Variants in INPP5A observed in about 807,000 individuals in gnomAD.
INPP5A encodes inositol polyphosphate-5-phosphatase A.
INPP5A carries 14 observed loss-of-function variants against 65.2 expected under a neutral mutation model. The ratio of observed to expected loss-of-function variants is 0.21; its 90% confidence interval spans 0.14 to 0.34. The LOEUF (loss-of-function observed/expected upper bound fraction) is 0.34, where lower values mean the gene tolerates loss of function less well. INPP5A is among the 10% of genes least tolerant of loss of function. INPP5A has a pLI of 1.00. For missense variants in INPP5A, 431 were observed against 545.6 expected, an observed-to-expected ratio of 0.79 and a Z score of 2.09; for synonymous variants, 207 against 208.3, an observed-to-expected ratio of 0.99 and a Z score of 0.05.
At chr10:132,745,562 C>CTGGCACTGGCCCCAGCCCAGGCCTCGGG (rs1554955101) in intron 9 of INPP5A, among the ~76,000 whole-genome samples, 5 of 151,392 alleles carry the variant, frequency 3.3e-5, no homozygotes, top group Non-Finnish European at 4.4e-5. Flanking sequence ...CATGTCACGG[C>CTGGCACTGGCCCCAGCCCAGGCCTCGGG]TGGCACTGGC....
Position 132,659,950 on chromosome 10 carries a change from G to A in INPP5A, c.306+9445G>A, listed in dbSNP as rs1402243180. ...ATGTGACATACAACACATGACACGC[G>A]GCATACTCCCTGTGACATGGCACAT... On this transcript the variant is annotated intron_variant, in intron 4 of 15. Coordinates refer to ENST00000368594, the MANE Select transcript of INPP5A (RefSeq NM_005539.5). This position sits in a 1 kb window ranked among gnomAD's most constrained non-coding sequence, Gnocchi z 5.5. Among the ~76,000 whole-genome samples, 3 of 152,208 alleles carry A rather than the reference G, an allele frequency of 2.0e-5. No individual in the cohort carries two copies. Among genetic ancestry groups the A allele is most frequent in the African/African-American group, 4.8e-5 (2 of 41,442 alleles).
intron 1 of INPP5A, among the ~76,000 whole-genome samples, chr10:132,573,006 G>A (rs1362848601): frequency 2.0e-5 from 3 of 151,850 alleles, no homozygotes; most frequent in East Asian, 1.9e-4. Context: ...TGGGGTGTGC[G>A]TGCCGTGTGA....
chr10:132,713,409 C>T (rs1486734487), intron 8 of INPP5A, among the ~76,000 whole-genome samples: 1 of 152,052 alleles, frequency 6.6e-6, no homozygotes, highest in Non-Finnish European at 1.5e-5. Context: ...GTGAGTGTGG[C>T]CTGCGTGGCT....
intron 4 of INPP5A, among the ~76,000 whole-genome samples, chr10:132,672,996 T>A (rs1237354292): frequency 6.6e-6 from 1 of 152,232 alleles, no homozygotes; most frequent in Non-Finnish European, 1.5e-5. Context: ...AGTTTCCCGT[T>A]GACCTTAATC....
chr10:132,688,681 G>A (rs1845191216), intron 4 of INPP5A, among the ~76,000 whole-genome samples: 1 of 151,592 alleles, frequency 6.6e-6, no homozygotes, highest in Non-Finnish European at 1.5e-5. Context: ...GTGTGTGCGT[G>A]TGCATGAGTG....
chr10:132,683,794 G>A (rs113171110), intron 4 of INPP5A, among the ~76,000 whole-genome samples: 3,719 of 152,184 alleles, frequency 0.024, 79 homozygotes, highest in Admixed American at 0.041. Flanking sequence ...GGCTCACTGC[G>A]ACCTCTGCCT....
At chr10:132,571,671 C>A (rs1208499166) in intron 1 of INPP5A, among the ~76,000 whole-genome samples, 2 of 152,216 alleles carry the variant, frequency 1.3e-5, no homozygotes, top group African/African-American at 4.8e-5. Context: ...GGAGTGTCTG[C>A]AGGCAGACCT....
At chr10:132,666,294 A>T (rs990381890) in intron 4 of INPP5A, among the ~76,000 whole-genome samples, 1 of 152,152 alleles carries the variant, frequency 6.6e-6, no homozygotes, top group Admixed American at 6.5e-5. Flanking sequence ...ACATTATTCC[A>T]TGTTTTCACT....
intron 4 of INPP5A, among the ~76,000 whole-genome samples, chr10:132,682,707 CTGTG>C (rs537066122): frequency 6.6e-6 from 1 of 152,104 alleles, no homozygotes; most frequent in Non-Finnish European, 1.5e-5. Context: ...AGCGTGTAAA[CTGTG>C]TGTTATCCTA....
chr10:132,557,252 G>A (rs756649358), intron 1 of INPP5A, among the ~76,000 whole-genome samples: 4 of 152,216 alleles, frequency 2.6e-5, no homozygotes, highest in Admixed American at 2.6e-4. Flanking sequence ...ACCCTCGCCC[G>A]GGGCCACTGT....
intron 1 of INPP5A, among the ~76,000 whole-genome samples, chr10:132,607,655 G>A (rs1418990168): frequency 6.6e-6 from 1 of 152,252 alleles, no homozygotes; most frequent in African/African-American, 2.4e-5. Context: ...TGGGGGCTGC[G>A]CGACGCTGCC....
intron 4 of INPP5A, among the ~76,000 whole-genome samples, chr10:132,652,349 G>A (rs555205132): frequency 1.3e-5 from 2 of 152,248 alleles, no homozygotes; most frequent in Admixed American, 6.5e-5. Context: ...GTCCTAACAC[G>A]TGTGGCTGCA....
rs781539520 is a variant in INPP5A at position 132,663,937 on chromosome 10, C to T, written c.306+13432C>T. On this transcript the variant is annotated intron_variant, in intron 4 of 15. Coordinates refer to ENST00000368594, the MANE Select transcript of INPP5A (RefSeq NM_005539.5). This position sits in a 1 kb window ranked among gnomAD's most constrained non-coding sequence, Gnocchi z 4.5. ...GTGGGCAGCCGATCCATCAGGCGGCCGACAGGCGTGATCGAGTGCCGTGTC... is the reference window on the plus strand; with the variant it reads ...GTGGGCAGCCGATCCATCAGGCGGCTGACAGGCGTGATCGAGTGCCGTGTC... Among the ~76,000 whole-genome samples the T allele has an allele frequency of 3.9e-5, 6 of 152,216 alleles. No individual in the cohort carries two copies. The South Asian group carries it at 1.0e-3, about 26-fold the overall frequency.
chr10:132,780,310 T>C (rs1336947366), intron 13 of INPP5A, among the ~76,000 whole-genome samples: 1 of 152,260 alleles, frequency 6.6e-6, no homozygotes, highest in African/African-American at 2.4e-5. Context: ...TGAATTACTG[T>C]GCACAGATTG....
rs2071800589 is a variant in INPP5A at position 132,603,320 on chromosome 10, G to T, written c.76-4595G>T. Among the ~76,000 whole-genome samples, 1 of 152,126 alleles carries T rather than the reference G, an allele frequency of 6.6e-6. No homozygotes were observed. The highest frequency in any genetic ancestry group is 2.1e-4 in the South Asian group (1 of 4,824). On this transcript the variant is annotated intron_variant, in intron 1 of 15. Coordinates refer to ENST00000368594, the MANE Select transcript of INPP5A (RefSeq NM_005539.5). The surrounding 1 kb of genome is among the most constrained non-coding windows in gnomAD (Gnocchi z 4.2). ...CACTAAAATGGAATCATTTTATAAG[G>T]TCTGTTTCTCCCTTCCCTTCAGAAT... is the stretch of plus-strand genomic sequence containing the variant.
intron 4 of INPP5A, among the ~76,000 whole-genome samples, chr10:132,666,478 A>G (rs777829017): frequency 6.6e-5 from 10 of 152,192 alleles, no homozygotes; most frequent in Non-Finnish European, 1.5e-4. Flanking sequence ...GTATTAAAGT[A>G]TACATCACTG....
At chr10:132,730,290 C>T (rs746013298) in intron 9 of INPP5A, among the ~76,000 whole-genome samples, 1 of 152,242 alleles carries the variant, frequency 6.6e-6, no homozygotes, top group Non-Finnish European at 1.5e-5. Flanking sequence ...TGCCACCCAT[C>T]TGCCTCCGCC....
Position 132,546,304 on chromosome 10 carries a change from T to C in INPP5A, c.75+8133T>C, listed in dbSNP as rs2070970649. On this transcript the variant is annotated intron_variant, in intron 1 of 15. Transcript: ENST00000368594. This position sits in a 1 kb window ranked among gnomAD's most constrained non-coding sequence, Gnocchi z 5.7. The stretch of plus-strand genomic sequence containing the variant: ...CCCTGAGTGTTGGGAAAAGGCCCTC[T>C]GCTGCCGCTCCAGGTTCAGAAGATG... 6.6e-6 allele frequency among the ~76,000 whole-genome samples: 1 copy of C among 152,212 alleles called. No individual in the cohort carries two copies. The highest frequency in any genetic ancestry group is 2.1e-4 in the South Asian group (1 of 4,834).
rs1284407358 is a variant in INPP5A, at chr10:132,659,225, G to A, written c.306+8720G>A. The stretch of plus-strand genomic sequence containing the variant: ...GGGGTTCAGATTGAGGCCTGGGGCT[G>A]AGGAAGCAGGAAGTCCTGTCAGGAG... On this transcript the variant is annotated intron_variant, in intron 4 of 15. Transcript: ENST00000368594. This position sits in a 1 kb window ranked among gnomAD's most constrained non-coding sequence, Gnocchi z 5.5. Among the ~76,000 whole-genome samples the A allele has an allele frequency of 1.3e-5, 2 of 152,262 alleles. No homozygotes were observed. The highest frequency in any genetic ancestry group is 2.4e-5 in the African/African-American group (1 of 41,482).
Sources: allele counts gnomAD v4.1 joint callset (sites outside exome capture counted in the v4.1 genomes callset), GRCh38; gene constraint gnomAD v4.1.1; non-coding constraint Gnocchi (gnomAD v3.1); transcripts MANE v1.5; gene names NCBI Gene and HGNC (gene_info 2026-07-23, HGNC 2026-07-21).